The following CACNA1A variants were observed in gnomAD, a reference collection of about 807,000 sequenced individuals.
CACNA1A encodes the protein calcium voltage-gated channel subunit alpha1 A, also known as voltage-dependent P/Q-type calcium channel subunit alpha-1A.
In CACNA1A, 57 loss-of-function variants were observed where a neutral mutation model predicts 262.4. The observed-to-expected ratio is 0.22, with a 90% CI of 0.18 to 0.27. The LOEUF is 0.27. CACNA1A is among the 10% of genes least tolerant of loss of function. The pLI, the probability that CACNA1A is intolerant of heterozygous loss-of-function variation, is 1.00. For synonymous variants in CACNA1A, 1,431 were observed against 1,419.3 expected, an observed-to-expected ratio of 1.01 and a Z score of -0.18; for missense variants, 2,526 against 3,562.8, an observed-to-expected ratio of 0.71 and a Z score of 7.41.
chr19:13,415,743 T>TAAAAAAAAAAAAAAAAAAAAA lies in CACNA1A; in HGVS notation c.539+37112_539+37132dup, dbSNP rs71170510. Among the ~76,000 whole-genome samples the TAAAAAAAAAAAAAAAAAAAAA allele has an allele frequency of 2.3e-3, 96 of 42,506 alleles. 7 individuals are homozygous for TAAAAAAAAAAAAAAAAAAAAA. The highest frequency in any genetic ancestry group is 3.0e-3 in the Non-Finnish European group (70 of 23,322). 27.9% of individuals were successfully genotyped at this position (42,506 alleles called of 152,430 possible). On this transcript the variant is annotated intron_variant, in intron 3 of 46. Transcript: ENST00000360228. ...CAACAGAGCGAGACTCTGTCTCAAT[T>TAAAAAAAAAAAAAAAAAAAAA]AAAAAAAAAAAAAAAAAAAAAAAAA...
chr19:13,307,104 T>C (rs2057919891), intron 15 of CACNA1A, among the ~76,000 whole-genome samples: 2 of 152,038 alleles, frequency 1.3e-5, no homozygotes, highest in Admixed American at 6.6e-5. Context: ...CTAGGAGGTA[T>C]GTATCACCAT....
rs1487889235 is a variant in CACNA1A, at chr19:13,406,509, A to ATATATATATATG, written c.540-34731_540-34730insCATATATATATA. Among the ~76,000 whole-genome samples, 34 of 109,654 alleles carry ATATATATATATG rather than the reference A, an allele frequency of 3.1e-4. 1 individual carries two copies. The highest frequency in any genetic ancestry group is 2.1e-3 in the East Asian group (5 of 2,336). 71.9% of individuals were successfully genotyped at this position (109,654 alleles called of 152,430 possible). On this transcript the variant is annotated intron_variant, in intron 3 of 46. Transcript: ENST00000360228. ...TATATATATATATATATATATATAT[A>ATATATATATATG]TATGAAGGGAATCTGATCCCTAACA... is the stretch of plus-strand genomic sequence containing the variant.
intron 38 of CACNA1A, among the ~76,000 whole-genome samples, chr19:13,218,235 C>T (rs745497159): frequency 1.1e-4 from 16 of 151,942 alleles, no homozygotes; most frequent in Admixed American, 3.9e-4. Context: ...GGATTACAGC[C>T]GCCCGCCGCC....
At chr19:13,310,520 A>AGAGAGC (rs1411730447) in intron 12 of CACNA1A, among the ~76,000 whole-genome samples, 1 of 116,694 alleles carries the variant, frequency 8.6e-6, no homozygotes, top group Non-Finnish European at 1.7e-5. Flanking sequence ...ATATGTAGAG[A>AGAGAGC]GAGAGAGAGA....
At chr19:13,346,929 C>T (rs2145194224) in intron 6 of CACNA1A, among the ~76,000 whole-genome samples, 1 of 151,058 alleles carries the variant, frequency 6.6e-6, no homozygotes, top group African/African-American at 2.4e-5. Flanking sequence ...ATCTGCCTGC[C>T]TTGGCCTCCC....
At chr19:13,324,762 T>G (rs1194870431) in intron 10 of CACNA1A, among the ~76,000 whole-genome samples, 2 of 152,058 alleles carry the variant, frequency 1.3e-5, no homozygotes, top group African/African-American at 4.8e-5. Flanking sequence ...TAGTCCCAGC[T>G]ACTTGGGAGG....
intron 30 of CACNA1A, among the ~76,000 whole-genome samples, chr19:13,251,410 G>C (rs187567654): frequency 2.0e-4 from 31 of 152,256 alleles, no homozygotes; most frequent in South Asian, 4.1e-4. Context: ...GTGAACCCAG[G>C]GGGTGGAGCT....
At chr19:13,357,528 G>A (rs535010224) in intron 6 of CACNA1A, among the ~76,000 whole-genome samples, 1 of 152,252 alleles carries the variant, frequency 6.6e-6, no homozygotes, top group South Asian at 2.1e-4. Context: ...GGTGCTCTAT[G>A]GGGTCACTAC....
At position 13,224,607 on chromosome 19, in the gene CACNA1A, G is replaced by A; in HGVS notation, c.5731+60C>T. The A allele has an allele frequency of 3.5e-6, 4 of 1,144,092 alleles. No individual in the cohort carries two copies. In the South Asian group the frequency reaches 5.3e-5, roughly 15 times the overall value. 70.9% of individuals were successfully genotyped at this position (1,144,092 alleles called of 1,614,324 possible). A position where few individuals can be genotyped will look rare whatever the true frequency, so the allele number is the denominator to read the frequency against. On this transcript the variant is annotated intron_variant, in intron 38 of 46. Transcript: ENST00000360228. ...CAGATCCTCTAGTTTGGGGTAGGGA[G>A]GGAGATCCCCGGTTCCACCCTGTCA...
intron 6 of CACNA1A, among the ~76,000 whole-genome samples, chr19:13,337,803 G>A (rs947940266): frequency 6.6e-6 from 1 of 152,172 alleles, no homozygotes; most frequent in African/African-American, 2.4e-5. Context: ...AAACCTAGAT[G>A]GTATAGCCTA....
chr19:13,483,556 G>T (rs1370065444), intron 1 of CACNA1A, among the ~76,000 whole-genome samples: 1 of 152,100 alleles, frequency 6.6e-6, no homozygotes, highest in Non-Finnish European at 1.5e-5. Flanking sequence ...AAGCAAGAAA[G>T]CATTTGCTGA....
At chr19:13,336,632 A>G (rs965121592) in intron 6 of CACNA1A, among the ~76,000 whole-genome samples, 1 of 148,914 alleles carries the variant, frequency 6.7e-6, no homozygotes, top group Non-Finnish European at 1.5e-5. Context: ...AGAGAGAGAG[A>G]GAGAGAGAAA....
At chr19:13,334,610 T>TGTGTGTGTGTGTG (rs2058530210) in intron 7 of CACNA1A, 117 bp from the exon 8 acceptor site, 1 of 521,972 alleles carries the variant, frequency 1.9e-6, no homozygotes, top group African/African-American at 2.2e-5. Flanking sequence ...TGTGTGTGTG[T>TGTGTGTGTGTGTG]TTGGGGATTC....
At chr19:13,466,017 GAAGGAGAGAGACTGCTT>G (rs147952813) in intron 1 of CACNA1A, among the ~76,000 whole-genome samples, 3,054 of 152,176 alleles carry the variant, frequency 0.02, 104 homozygotes, top group African/African-American at 0.07. Context: ...GGGGAGGGGA[GAAGGAGAGAGACTGCTT>G]AATGGGTACA....
chr19:13,437,204 C>T (rs1292481511), intron 3 of CACNA1A, among the ~76,000 whole-genome samples: 2 of 152,180 alleles, frequency 1.3e-5, no homozygotes, highest in Non-Finnish European at 2.9e-5. Flanking sequence ...CCTGGTTCTA[C>T]AGTGGGGCAG....
Position 13,212,813 on chromosome 19 carries a change from C to A in CACNA1A, c.5941-73G>T. 1.5e-6 allele frequency: 1 copy of A among 661,530 alleles called. No homozygotes were observed. The highest frequency in any genetic ancestry group is 2.5e-6 in the Non-Finnish European group (1 of 397,154). 41.0% of individuals were successfully genotyped at this position (661,530 alleles called of 1,614,324 possible). ...GGACGGTGGTACCCAGAAGGCATTG[C>A]GACATCCCCAGTATACACACACACA... is the stretch of plus-strand genomic sequence containing the variant. On this transcript the variant is annotated intron_variant, in intron 40 of 46. Transcript: ENST00000360228. This position sits in a 1 kb window ranked among gnomAD's most constrained non-coding sequence, Gnocchi z 5.6.
At position 13,284,564 on chromosome 19, in the gene CACNA1A, A is replaced by C. The variant is rs144819128; in HGVS notation, c.3692+504T>G. ...GATAAATTTCTCCCCTAAATAGTCT[A>C]TCCATTTCAAAGATGCCCAAGACAG... On this transcript the variant is annotated intron_variant, in intron 21 of 46. Coordinates refer to ENST00000360228, the MANE Select transcript of CACNA1A (RefSeq NM_001127222.2). The C allele has an allele frequency of 2.3e-3, 356 of 153,120 alleles. 1 individual carries two copies. The highest frequency in any genetic ancestry group is 0.017 in the Middle Eastern group (5 of 294). The allele number at this position is 153,120 out of a possible 1,614,324, so 9.5% of individuals were successfully genotyped here.
intron 5 of CACNA1A, chr19:13,362,648 C>T (rs982223526): frequency 3.3e-5 from 5 of 152,260 alleles, no homozygotes; most frequent in Non-Finnish European, 7.3e-5. Context: ...TGGCCCCTTT[C>T]AGGCATACAA....
intron 28 of CACNA1A, chr19:13,256,048 A>ATG (rs2056560838): frequency 3.0e-5 from 4 of 134,122 alleles, no homozygotes; most frequent in Non-Finnish European, 6.1e-5. Context: ...GCTGGAGTGC[A>ATG]GTGCAATCAC....
Sources: allele counts gnomAD v4.1 joint callset (sites outside exome capture counted in the v4.1 genomes callset), GRCh38; gene constraint gnomAD v4.1.1; non-coding constraint Gnocchi (gnomAD v3.1); transcripts MANE v1.5; gene names NCBI Gene and HGNC (gene_info 2026-07-23, HGNC 2026-07-21).